Variants in SENP2 observed in about 807,000 individuals in gnomAD.
SENP2 encodes sentrin-specific protease 2.
SENP2 carries 16 observed loss-of-function variants against 86.3 expected under a neutral mutation model. That is an observed-to-expected ratio of 0.19 (90% confidence interval 0.13 to 0.28). SENP2 has a LOEUF of 0.28. SENP2 is among the 10% of genes least tolerant of loss of function. The pLI is 1.00. For synonymous variants in SENP2, 222 were observed against 238.7 expected (o/e 0.93, Z 0.64); for missense variants, 552 against 703.0 (o/e 0.79, Z 2.43).
chr3:185,612,737 G>T (rs1336787647), intron 9 of SENP2, 79 bp downstream of exon 9: 8 of 1,028,518 alleles, frequency 7.8e-6, no homozygotes, highest in Admixed American at 4.2e-5. Context: ...TGAGTAAGCA[G>T]TTCTGAGGAA....
intron 9 of SENP2, 29 bp from the exon 10 acceptor site, chr3:185,613,316 G>T: frequency 7.7e-7 from 1 of 1,299,422 alleles, no homozygotes; most frequent in Non-Finnish European, 1.1e-6. Flanking sequence ...TCTAGCAGAA[G>T]TCTATCATCT....
intron 2 of SENP2, among the ~76,000 whole-genome samples, chr3:185,590,619 C>T (rs1303527913): frequency 1.4e-5 from 2 of 147,624 alleles, no homozygotes; most frequent in African/African-American, 5.0e-5. Flanking sequence ...TTAATTCCAG[C>T]ACTTCAGAGG....
At chr3:185,588,050 ATTTTTTTT>A (rs1196425963) in intron 1 of SENP2, among the ~76,000 whole-genome samples, 6 of 64,786 alleles carry the variant, frequency 9.3e-5, no homozygotes, top group Admixed American at 2.1e-4. Flanking sequence ...CTACCGGCTA[ATTTTTTTT>A]TTTTTTTTTT....
At chr3:185,620,697 C>T (rs1393833889) in intron 13 of SENP2, among the ~76,000 whole-genome samples, 1 of 151,890 alleles carries the variant, frequency 6.6e-6, no homozygotes, top group African/African-American at 2.4e-5. Context: ...GCCACCTCAG[C>T]CTCCCAAAGT....
chr3:185,602,054 G>A (rs1460369869), intron 5 of SENP2, among the ~76,000 whole-genome samples: 1 of 151,834 alleles, frequency 6.6e-6, no homozygotes, highest in Non-Finnish European at 1.5e-5. Context: ...TAAGCATCTT[G>A]TTCTTATAAG....
At chr3:185,613,489 G>A (rs182426320) in intron 10 of SENP2, 81 bp downstream of exon 10, 10 of 830,846 alleles carry the variant, frequency 1.2e-5, no homozygotes, top group Non-Finnish European at 1.8e-5. Flanking sequence ...GCAAGAAAAA[G>A]TATATATATA....
intron 12 of SENP2, 72 bp from the exon 13 acceptor site, chr3:185,619,227 T>G: frequency 9.0e-7 from 1 of 1,109,006 alleles, no homozygotes; most frequent in South Asian, 1.3e-5. Context: ...AATTCATCCT[T>G]ATTCAGGTAG....
At chr3:185,606,843 TG>T in intron 6 of SENP2, 1 of 500,958 alleles carries the variant, frequency 2.0e-6, no homozygotes, top group Non-Finnish European at 3.9e-6. Flanking sequence ...GTGAAAGTAT[TG>T]AAGGCACAGA....
chr3:185,598,147 G>T (rs998082234), intron 2 of SENP2, among the ~76,000 whole-genome samples: 1 of 152,012 alleles, frequency 6.6e-6, no homozygotes, highest in African/African-American at 2.4e-5. Context: ...CAGGTAGCTG[G>T]GACTACAGGC....
chr3:185,595,613 T>G (rs1722150363), intron 2 of SENP2, among the ~76,000 whole-genome samples: 1 of 152,194 alleles, frequency 6.6e-6, no homozygotes. Context: ...GCTAATGTGA[T>G]GTTCTGTTTT....
At chr3:185,602,832 TA>T (rs1156317272) in intron 5 of SENP2, among the ~76,000 whole-genome samples, 800 of 63,030 alleles carry the variant, frequency 0.013, 4 homozygotes, top group African/African-American at 0.04. Flanking sequence ...GACTCTGTCT[TA>T]AAAAAAAAAA....
At position 185,632,001 on chromosome 3, in the gene SENP2, C is replaced by G. The variant is rs1401309087; in HGVS notation, c.*2157C>G. 1 of 151,596 alleles carries G rather than the reference C, an allele frequency of 6.6e-6. No homozygotes were observed. The highest frequency in any genetic ancestry group is 1.5e-5 in the Non-Finnish European group (1 of 67,968). The allele number at this position is 151,596 out of a possible 1,614,324, so 9.4% of individuals were successfully genotyped here. A position where few individuals can be genotyped will look rare whatever the true frequency, so the allele number is the denominator to read the frequency against. ...AGAGTGTTGAAGTCTATAGCATGGCCTTCTGCTTGACCCTGAGTTCCTGAA... is the reference window on the plus strand; with the variant it reads ...AGAGTGTTGAAGTCTATAGCATGGCGTTCTGCTTGACCCTGAGTTCCTGAA... On this transcript the variant is annotated 3_prime_UTR_variant, in exon 17 of 17. Transcript: ENST00000296257.
Position 185,629,771 on chromosome 3 carries a change from G to T in SENP2, c.1708-11G>T, listed in dbSNP as rs370741390. 31 of 1,614,098 alleles carry T rather than the reference G, an allele frequency of 1.9e-5. No homozygotes were observed. Among genetic ancestry groups the T allele is most frequent in the Non-Finnish European group, 2.6e-5 (31 of 1,179,964 alleles). On this transcript the variant is annotated splice_polypyrimidine_tract_variant and intron_variant, in intron 16 of 16. Coordinates refer to ENST00000296257, the MANE Select transcript of SENP2 (RefSeq NM_021627.3). ...ATGTAATGCGGGCGTTGTTTATGGG[G>T]TTCTTTGCAGCACCAGATGCCTCTC...
intron 2 of SENP2, among the ~76,000 whole-genome samples, chr3:185,594,396 T>A (rs1722108290): frequency 6.6e-6 from 1 of 152,172 alleles, no homozygotes; most frequent in Non-Finnish European, 1.5e-5. Flanking sequence ...CCAAGAGAAC[T>A]TCCTGCAGTG....
At chr3:185,626,470 C>T in intron 16 of SENP2, 77 bp downstream of exon 16, 2 of 978,370 alleles carry the variant, frequency 2.0e-6, no homozygotes, top group South Asian at 1.4e-5. Context: ...GGCACACATT[C>T]AGCTCTCAAT....
In SENP2 at chr3:185,630,092, C is replaced by T. The variant is rs1480583423; in HGVS notation, c.*248C>T. The T allele has an allele frequency of 1.6e-5, 6 of 386,262 alleles. No individual in the cohort carries two copies. Among genetic ancestry groups the T allele is most frequent in the African/African-American group, 9.9e-5 (5 of 50,736 alleles). 23.9% of individuals were successfully genotyped at this position (386,262 alleles called of 1,614,324 possible). A position where few individuals can be genotyped will look rare whatever the true frequency, so the allele number is the denominator to read the frequency against. ...ACTGTTCAACCCACACAAGAACAAA[C>T]GCTAACTAATATTTTTTTTAAGAGA... On this transcript the variant is annotated 3_prime_UTR_variant, in exon 17 of 17. Coordinates refer to ENST00000296257, the MANE Select transcript of SENP2 (RefSeq NM_021627.3).
At chr3:185,624,199 C>CTT in intron 15 of SENP2, 117 bp downstream of exon 15, 1 of 582,998 alleles carries the variant, frequency 1.7e-6, no homozygotes. Context: ...AAGTACACAT[C>CTT]TTTTTTTTTC....
chr3:185,618,729 A>G (rs1711719221), intron 12 of SENP2, among the ~76,000 whole-genome samples: 1 of 152,026 alleles, frequency 6.6e-6, no homozygotes. Context: ...ATACAAAAAA[A>G]TTAGCCAGGC....
chr3:185,632,244 T>TTTTTTTTTTTTTTTTTTTG lies in SENP2; in HGVS notation c.*2411_*2412insTTTTTTTGTTTTTTTTTTT, dbSNP rs1712515522. 1 of 131,260 alleles carries TTTTTTTTTTTTTTTTTTTG rather than the reference T, an allele frequency of 7.6e-6. No homozygotes were observed. The allele number at this position is 131,260 out of a possible 1,614,324, so 8.1% of individuals were successfully genotyped here. A position where few individuals can be genotyped will look rare whatever the true frequency, so the allele number is the denominator to read the frequency against. ...TTTTTGTTTTTTTTTTTTGTTTTTT[T>TTTTTTTTTTTTTTTTTTTG]TTTTTTTTTTTGCGACAGAGTCTCT... On this transcript the variant is annotated 3_prime_UTR_variant, in exon 17 of 17. Transcript: ENST00000296257.
Sources: allele counts gnomAD v4.1 joint callset (sites outside exome capture counted in the v4.1 genomes callset), GRCh38; gene constraint gnomAD v4.1.1; transcripts MANE v1.5; gene names NCBI Gene and HGNC (gene_info 2026-07-23, HGNC 2026-07-21).